Variants in PRKACB observed in about 807,000 individuals in gnomAD.
The protein encoded by PRKACB is protein kinase cAMP-activated catalytic subunit beta.
Under a neutral mutation model 51.4 loss-of-function variants are expected in PRKACB, and 16 were observed. The ratio of observed to expected loss-of-function variants is 0.31; its 90% CI spans 0.21 to 0.47. The LOEUF (loss-of-function observed/expected upper bound fraction) is 0.47. Among genes scored for constraint, PRKACB ranks in the 20% least tolerant of loss-of-function variants. The probability of loss-of-function intolerance (pLI) is 1.00; values close to 1 mark genes in which losing one functional copy is unlikely to be tolerated. For missense variants in PRKACB, 309 were observed against 464.5 expected (o/e 0.67, Z 3.08); for synonymous variants, 147 against 154.4 (o/e 0.95, Z 0.35).
intron 1 of PRKACB, among the ~76,000 whole-genome samples, chr1:84,098,829 G>A (rs1315037526): frequency 1.3e-5 from 2 of 152,080 alleles, no homozygotes; most frequent in African/African-American, 4.8e-5. Flanking sequence ...ATGTATGCTG[G>A]AAGTGATTAT....
chr1:84,175,039 C>T (rs201320035), intron 1 of PRKACB: 3 of 1,467,814 alleles, frequency 2.0e-6, no homozygotes, highest in Non-Finnish European at 2.7e-6. Flanking sequence ...CAAGCTTGCT[C>T]CTCTTCAGAA....
chr1:84,167,463 T>C (rs1022406888), intron 1 of PRKACB, among the ~76,000 whole-genome samples: 6 of 151,682 alleles, frequency 4.0e-5, no homozygotes, highest in Admixed American at 2.6e-4. Context: ...AGAGAACCAG[T>C]CATTACCTCC....
chr1:84,117,188 GT>G (rs1462402909), intron 1 of PRKACB, among the ~76,000 whole-genome samples: 4 of 152,066 alleles, frequency 2.6e-5, no homozygotes, highest in African/African-American at 9.7e-5. Context: ...TCTTTTTGAT[GT>G]GCTATTGGAT....
At chr1:84,129,969 G>C (rs1177581809) in intron 1 of PRKACB, among the ~76,000 whole-genome samples, 2 of 152,242 alleles carry the variant, frequency 1.3e-5, no homozygotes, top group African/African-American at 2.4e-5. Context: ...GGGAGGCCCA[G>C]GCAGGCAGAT....
intron 1 of PRKACB, among the ~76,000 whole-genome samples, chr1:84,158,049 G>T (rs1655721937): frequency 6.6e-6 from 1 of 150,912 alleles, no homozygotes; most frequent in South Asian, 2.1e-4. Context: ...GCTCATCAAT[G>T]CTTGGTATCA....
At chr1:84,136,518 A>ACACACACACACT (rs1557999817) in intron 1 of PRKACB, among the ~76,000 whole-genome samples, 2 of 151,512 alleles carry the variant, frequency 1.3e-5, no homozygotes, top group South Asian at 2.1e-4. Flanking sequence ...ACACACACAC[A>ACACACACACACT]CTCACTCTGA....
At chr1:84,220,658 G>A (rs544789479) in intron 9 of PRKACB, among the ~76,000 whole-genome samples, 3 of 152,116 alleles carry the variant, frequency 2.0e-5, no homozygotes, top group African/African-American at 4.8e-5. Flanking sequence ...GGGGATGTTG[G>A]CTTTTATCTA....
intron 1 of PRKACB, among the ~76,000 whole-genome samples, chr1:84,151,932 C>G (rs1654901577): frequency 6.6e-6 from 1 of 152,196 alleles, no homozygotes; most frequent in Non-Finnish European, 1.5e-5. Context: ...TCACAATGTT[C>G]TTACGGCATC....
chr1:84,078,106 G>C, upstream of PRKACB: 1 of 444,004 alleles, frequency 2.3e-6, no homozygotes, highest in East Asian at 3.8e-5. Flanking sequence ...CGTCGCCGCC[G>C]CCGCCGCCGC....
chr1:84,209,779 T>G (rs1671863620), intron 8 of PRKACB, among the ~76,000 whole-genome samples: 1 of 152,198 alleles, frequency 6.6e-6, no homozygotes, highest in South Asian at 2.1e-4. Flanking sequence ...GGCAGAAATC[T>G]TCATCTTATT....
At chr1:84,225,724 G>A (rs1674476939) in intron 9 of PRKACB, among the ~76,000 whole-genome samples, 1 of 152,128 alleles carries the variant, frequency 6.6e-6, no homozygotes, top group Non-Finnish European at 1.5e-5. Flanking sequence ...GGGTTGTGGG[G>A]ATCTTACATG....
At chr1:84,084,858 A>G (rs777845489) in intron 1 of PRKACB, among the ~76,000 whole-genome samples, 9 of 152,144 alleles carry the variant, frequency 5.9e-5, no homozygotes, top group Non-Finnish European at 1.2e-4. Flanking sequence ...GATAAATGAT[A>G]GCTGATTGGT....
intron 1 of PRKACB, among the ~76,000 whole-genome samples, chr1:84,176,127 A>G (rs1661170547): frequency 6.6e-6 from 1 of 151,832 alleles, no homozygotes; most frequent in Non-Finnish European, 1.5e-5. Flanking sequence ...TGAAACCATC[A>G]TAATAATTTA....
At chr1:84,178,993 G>A (rs1662281991) in intron 1 of PRKACB, 184 bp from the exon 2 acceptor site, 1 of 563,522 alleles carries the variant, frequency 1.8e-6, no homozygotes, top group Non-Finnish European at 2.7e-6. Context: ...GAATCTTAGA[G>A]ATTTGAGAAG....
upstream of PRKACB, chr1:84,078,130 G>A: frequency 2.4e-5 from 12 of 503,872 alleles, no homozygotes; most frequent in Non-Finnish European, 3.9e-5. Context: ...CGCTGCTGCT[G>A]CCGGTGCTAA....
At chr1:84,232,897 A>G (rs530731235) in intron 9 of PRKACB, among the ~76,000 whole-genome samples, 1 of 151,944 alleles carries the variant, frequency 6.6e-6, no homozygotes, top group Non-Finnish European at 1.5e-5. Flanking sequence ...TTAATTGGAG[A>G]ATTTAGTCCA....
chr1:84,144,674 A>G, intron 1 of PRKACB, 126 bp downstream of exon 1: 2 of 1,036,754 alleles, frequency 1.9e-6, no homozygotes, highest in Non-Finnish European at 2.7e-6. Flanking sequence ...ACATTTTGCA[A>G]GATGAAGTTG....
chr1:84,090,796 A>G (rs1190176287), intron 1 of PRKACB, among the ~76,000 whole-genome samples: 3 of 152,154 alleles, frequency 2.0e-5, no homozygotes, highest in Non-Finnish European at 4.4e-5. Context: ...AGTCACTTAA[A>G]TGAGTCTGTA....
Position 84,179,234 on chromosome 1 carries a change from C to A in PRKACB, c.245C>A (p.Thr82Asn). The A allele has an allele frequency of 6.3e-7, 1 of 1,576,972 alleles. No homozygotes were observed. Among genetic ancestry groups the A allele is most frequent in the Non-Finnish European group, 8.6e-7 (1 of 1,161,526 alleles). ...EDFLKKWENP[T>N]QNNAGLEDFE... ...TTTTTGAAAAAATGGGAGAATCCAA[C>A]TCAGGTAAGGAATATTTAGATTTTT... is the stretch of plus-strand genomic sequence containing the variant. Residue 82 changes from threonine (T) to asparagine (N), a missense_variant, in exon 2 of 10, where the codon ACT becomes AAT. Transcript: ENST00000370685.
Sources: gnomAD v4.1 joint callset for allele counts (sites outside exome capture counted in the v4.1 genomes callset) on GRCh38, gnomAD v4.1.1 for gene constraint, MANE v1.5 for transcripts, NCBI Gene and HGNC (gene_info 2026-07-23, HGNC 2026-07-21) for gene names.